The following TBXAS1 variants were observed in gnomAD, a reference collection of about 807,000 sequenced individuals.
TBXAS1 encodes the protein thromboxane A synthase 1.
A neutral mutation model predicts 60.7 loss-of-function variants in TBXAS1; 48 were observed. That is an observed-to-expected ratio of 0.79 (90% CI 0.63 to 1.01). The LOEUF is 1.01. Ranked by LOEUF, TBXAS1 falls within the 50% of genes least tolerant of loss-of-function variation. The pLI is 0.00. For missense variants in TBXAS1, 685 were observed against 686.3 expected (o/e 1.00, Z 0.02); for synonymous variants, 287 against 269.7 (o/e 1.06, Z -0.63).
chr7:140,009,547 G>T (rs538140194), intron 10 of TBXAS1, among the ~76,000 whole-genome samples: 1 of 150,728 alleles, frequency 6.6e-6, no homozygotes, highest in Admixed American at 6.6e-5. Flanking sequence ...CTCCTGAGCC[G>T]CCCCTTCCCC....
rs1444814386 is a variant in TBXAS1, at chr7:139,778,836, C to T, written c.-318+365C>T. Among the ~76,000 whole-genome samples the T allele has an allele frequency of 6.6e-6, 1 of 152,200 alleles. No individual in the cohort carries two copies. The highest frequency in any genetic ancestry group is 1.5e-5 in the Non-Finnish European group (1 of 68,028). ...CTCTCCAGGTTTGCTTCTCCAGCTG[C>T]CTCCCGGATGCTTGGATAGGATGCC... On this transcript the variant is annotated intron_variant, in intron 1 of 16. Coordinates refer to the TBXAS1 transcript ENST00000336425. This position sits in a 1 kb window ranked among gnomAD's most constrained non-coding sequence, Gnocchi z 4.8.
At chr7:139,779,155 G>C (rs1423192883) in intron 1 of TBXAS1, among the ~76,000 whole-genome samples, 1 of 152,160 alleles carries the variant, frequency 6.6e-6, no homozygotes, top group Non-Finnish European at 1.5e-5. Flanking sequence ...AAGTTGAAAA[G>C]CTATCTGTGT....
chr7:140,003,016 C>T (rs909875952), intron 9 of TBXAS1, among the ~76,000 whole-genome samples: 76 of 148,724 alleles, frequency 5.1e-4, no homozygotes, highest in African/African-American at 1.8e-3. Flanking sequence ...CCCAGCTACT[C>T]GGGAGGCTGA....
intron 4 of TBXAS1, among the ~76,000 whole-genome samples, chr7:139,822,265 T>TTC (rs138999510): frequency 0.057 from 8,560 of 150,272 alleles, 344 homozygotes; most frequent in Middle Eastern, 0.15. Flanking sequence ...CTTATACTCT[T>TTC]TCTCTCTCTC....
chr7:139,977,406 G>A (rs771549936), intron 9 of TBXAS1, among the ~76,000 whole-genome samples: 3 of 152,090 alleles, frequency 2.0e-5, no homozygotes, highest in Non-Finnish European at 2.9e-5. Flanking sequence ...AGAACAGCAC[G>A]GGAAAGACTC....
chr7:139,810,610 A>G (rs1372596442), intron 4 of TBXAS1, among the ~76,000 whole-genome samples: 2 of 152,234 alleles, frequency 1.3e-5, no homozygotes, highest in Admixed American at 6.5e-5. Context: ...TTTGTATACT[A>G]TTAACTGCAT....
At chr7:140,009,389 T>C (rs1366203224) in intron 10 of TBXAS1, among the ~76,000 whole-genome samples, 1 of 152,062 alleles carries the variant, frequency 6.6e-6, no homozygotes, top group Non-Finnish European at 1.5e-5. Flanking sequence ...CACACCTGCT[T>C]GGCTGGCCCT....
chr7:139,894,040 G>C (rs551424363), intron 3 of TBXAS1, among the ~76,000 whole-genome samples: 68 of 152,160 alleles, frequency 4.5e-4, no homozygotes, highest in Non-Finnish European at 9.4e-4. Flanking sequence ...TGAGGGCCAG[G>C]GGGGAGGCTA....
At chr7:140,000,864 C>G (rs1313714402) in intron 9 of TBXAS1, among the ~76,000 whole-genome samples, 1 of 152,198 alleles carries the variant, frequency 6.6e-6, no homozygotes, top group Admixed American at 6.5e-5. Context: ...TAAGCTTTCC[C>G]GCCACTGAAT....
At chr7:139,962,987 T>C (rs1810489405) in intron 9 of TBXAS1, 1 of 152,270 alleles carries the variant, frequency 6.6e-6, no homozygotes, top group African/African-American at 2.4e-5. Context: ...TTCACCATTT[T>C]GAAAGGTGGT....
At position 140,004,010 on chromosome 7, in the gene TBXAS1, C is replaced by G. The variant is rs560487848; in HGVS notation, c.1135-3081C>G. The stretch of plus-strand genomic sequence containing the variant: ...TTTGTTGTATACATCTGATTCATTT[C>G]TTCTTTCTTGAGGCCAACTGCTGTT... On this transcript the variant is annotated intron_variant, in intron 9 of 12. Coordinates refer to ENST00000448866, the MANE Select transcript of TBXAS1 (RefSeq NM_001061.7). This position sits in a 1 kb window ranked among gnomAD's most constrained non-coding sequence, Gnocchi z 5.1. 1.3e-5 allele frequency among the ~76,000 whole-genome samples: 2 copies of G among 152,354 alleles called. No homozygotes were observed. The highest frequency in any genetic ancestry group is 4.8e-5 in the African/African-American group (2 of 41,584).
intron 4 of TBXAS1, among the ~76,000 whole-genome samples, chr7:139,800,088 C>T (rs1797678452): frequency 6.6e-6 from 1 of 152,186 alleles, no homozygotes; most frequent in South Asian, 2.1e-4. Context: ...TCTCCATGCT[C>T]ACCACCCTAG....
At chr7:139,956,350 C>G (rs1365477347) in intron 7 of TBXAS1, among the ~76,000 whole-genome samples, 1 of 152,084 alleles carries the variant, frequency 6.6e-6, no homozygotes, top group Admixed American at 6.6e-5. Flanking sequence ...TTCTCCATGT[C>G]GGTCAGGCTG....
intron 3 of TBXAS1, among the ~76,000 whole-genome samples, chr7:139,889,545 A>T (rs1411812286): frequency 6.6e-6 from 1 of 152,198 alleles, no homozygotes; most frequent in Non-Finnish European, 1.5e-5. Flanking sequence ...CTGTTATAAC[A>T]AAGTGCCATA....
At chr7:139,826,107 C>T (rs1315902382), upstream of TBXAS1, among the ~76,000 whole-genome samples, 2 of 152,134 alleles carry the variant, frequency 1.3e-5, no homozygotes, top group Admixed American at 6.5e-5. Flanking sequence ...TCCGTGACCA[C>T]GATGAGTCAC....
intron 4 of TBXAS1, among the ~76,000 whole-genome samples, chr7:139,813,023 C>T (rs1278417885): frequency 1.3e-5 from 2 of 151,366 alleles, no homozygotes; most frequent in Non-Finnish European, 2.9e-5. Context: ...TGCCACTGCA[C>T]TCCAGCCTGG....
rs949437519 is a variant in TBXAS1, at chr7:139,896,726, T to C, written c.237-14499T>C. On this transcript the variant is annotated intron_variant, in intron 3 of 12. Transcript: ENST00000448866. The surrounding 1 kb of genome is among the most constrained non-coding windows in gnomAD (Gnocchi z 4.0). ...GGCCTGGGGAGCGCTACGAAGACAT[T>C]ACTGAGTCACTAAGGGCACCGTGAA... 6.6e-6 allele frequency among the ~76,000 whole-genome samples: 1 copy of C among 152,172 alleles called. No homozygotes were observed. Among genetic ancestry groups the C allele is most frequent in the Non-Finnish European group, 1.5e-5 (1 of 68,028 alleles).
intron 3 of TBXAS1, among the ~76,000 whole-genome samples, chr7:139,898,384 G>A (rs1348720581): frequency 3.0e-5 from 4 of 135,564 alleles, no homozygotes; most frequent in Non-Finnish European, 6.2e-5. Flanking sequence ...AGTTCTACCT[G>A]AAAATCAGAA....
At chr7:139,791,970 T>C (rs1238150626) in intron 4 of TBXAS1, among the ~76,000 whole-genome samples, 1 of 148,830 alleles carries the variant, frequency 6.7e-6, no homozygotes, top group African/African-American at 2.6e-5. Flanking sequence ...ATTTTTTTCC[T>C]GTGGGAAGAT....
Sources: gnomAD v4.1 joint callset for allele counts (sites outside exome capture counted in the v4.1 genomes callset) on GRCh38, gnomAD v4.1.1 for gene constraint, Gnocchi (gnomAD v3.1) non-coding constraint, MANE v1.5 for transcripts, NCBI Gene and HGNC (gene_info 2026-07-23, HGNC 2026-07-21) for gene names.